BICC1: variants seen among roughly 807,000 people sequenced by gnomAD.
BICC1 encodes the protein protein bicaudal C homolog 1.
In BICC1, 43 loss-of-function variants were observed where a neutral mutation model predicts 111.0. That is an observed-to-expected ratio of 0.39 (90% CI 0.30 to 0.50). BICC1 has a LOEUF of 0.50. BICC1 is among the 20% of genes least tolerant of loss of function. The pLI, the probability that BICC1 is intolerant of heterozygous loss-of-function variation, is 0.88. For synonymous variants in BICC1, 467 were observed against 434.4 expected (o/e 1.07, Z -0.93); for missense variants, 1,091 against 1,203.2 (o/e 0.91, Z 1.38).
At position 58,739,823 on chromosome 10, in the gene BICC1, G is replaced by A. The variant is rs532350206; in HGVS notation, c.307+37680G>A. ...TTTAATAATATCACTTATCAGTTTG[G>A]GAAATTAGTATATAAATCTTAGATG... On this transcript the variant is annotated intron_variant, in intron 3 of 20. Coordinates refer to ENST00000373886, the MANE Select transcript of BICC1 (RefSeq NM_001080512.3). Among the ~76,000 whole-genome samples the A allele has an allele frequency of 9.2e-5, 14 of 152,178 alleles. No individual in the cohort carries two copies. In the South Asian group the frequency reaches 2.5e-3, roughly 27 times the overall value.
At chr10:58,826,889 G>A (rs1458421022) in intron 20 of BICC1, among the ~76,000 whole-genome samples, 1 of 152,208 alleles carries the variant, frequency 6.6e-6, no homozygotes, top group East Asian at 1.9e-4. Context: ...GCCCACCCTT[G>A]AGCCTTGGAG....
rs533019049 is a variant in BICC1, at chr10:58,619,677, G to A, written c.191-1178G>A. On this transcript the variant is annotated intron_variant, in intron 1 of 20. Transcript: ENST00000373886. ...TTTAGTAGAGACAGGGTTTCACTAT[G>A]TTTGCCAGGATGGTCTTGATCTCTT... 2.0e-5 allele frequency among the ~76,000 whole-genome samples: 3 copies of A among 152,190 alleles called. No individual in the cohort carries two copies. In the South Asian group the frequency reaches 6.2e-4, roughly 32 times the overall value.
chr10:58,676,536 A>G (rs1396131784), intron 2 of BICC1, among the ~76,000 whole-genome samples: 3 of 152,204 alleles, frequency 2.0e-5, no homozygotes, highest in African/African-American at 7.2e-5. Context: ...CTGAAAGGCA[A>G]CAGCCCCAGT....
rs138338339 is a variant in BICC1, at chr10:58,799,222, A to C, written c.1695A>C (p.Lys565Asn). 2 of 1,610,896 alleles carry C rather than the reference A, an allele frequency of 1.2e-6. No homozygotes were observed. Among genetic ancestry groups the C allele is most frequent in the Non-Finnish European group, 8.5e-7 (1 of 1,178,230 alleles). Reference sequence around the variant, plus strand: ...ACAGTATGCAGACCGAAGGCAAAAAAATCTCTGCTGCTTTAAATGGACATG... The same window carrying C: ...ACAGTATGCAGACCGAAGGCAAAAACATCTCTGCTGCTTTAAATGGACATG... ...HINSMQTEGK[K>N]ISAALNGHAQ... is the part of the protein sequence containing the mutation. Residue 565 changes from lysine (K) to asparagine (N), a missense_variant, in exon 12 of 21, where the codon AAA becomes AAC. Lys to Asn is a moderately conservative substitution (Grantham distance 94, BLOSUM62 0). Coordinates refer to ENST00000373886, the MANE Select transcript of BICC1 (RefSeq NM_001080512.3).
At chr10:58,703,771 C>G (rs1840309298) in intron 3 of BICC1, among the ~76,000 whole-genome samples, 1 of 152,156 alleles carries the variant, frequency 6.6e-6, no homozygotes, top group African/African-American at 2.4e-5. Flanking sequence ...AATCTTCTTT[C>G]CCTGTTGTCA....
At chr10:58,551,637 C>T (rs1378052517) in intron 1 of BICC1, among the ~76,000 whole-genome samples, 1 of 152,148 alleles carries the variant, frequency 6.6e-6, no homozygotes, top group Non-Finnish European at 1.5e-5. Context: ...CCAACATCTT[C>T]CTAATTCCAC....
At chr10:58,631,593 C>T (rs1367380507) in intron 2 of BICC1, among the ~76,000 whole-genome samples, 2 of 151,806 alleles carry the variant, frequency 1.3e-5, no homozygotes, top group East Asian at 3.9e-4. Flanking sequence ...CTGGATTATC[C>T]AGTTATTCAA....
At chr10:58,528,782 C>T (rs1291586273) in intron 1 of BICC1, among the ~76,000 whole-genome samples, 1 of 151,834 alleles carries the variant, frequency 6.6e-6, no homozygotes, top group African/African-American at 2.4e-5. Flanking sequence ...TCCAGTATTC[C>T]GGGTCTTCTG....
chr10:58,667,135 A>G (rs1381214930), intron 2 of BICC1, among the ~76,000 whole-genome samples: 2 of 152,116 alleles, frequency 1.3e-5, no homozygotes, highest in African/African-American at 4.8e-5. Context: ...TTATTTTCAA[A>G]CTAATTACTG....
chr10:58,808,537 C>A (rs148474915), intron 17 of BICC1, among the ~76,000 whole-genome samples: 15 of 152,138 alleles, frequency 9.9e-5, no homozygotes, highest in Non-Finnish European at 1.9e-4. Flanking sequence ...ATGTTCATTT[C>A]GGTAATGGAG....
chr10:58,734,456 G>A (rs1055652770), intron 3 of BICC1, among the ~76,000 whole-genome samples: 48 of 152,162 alleles, frequency 3.2e-4, no homozygotes, highest in African/African-American at 9.7e-4. Flanking sequence ...ATATGAGCTC[G>A]ATAAATACTT....
intron 1 of BICC1, among the ~76,000 whole-genome samples, chr10:58,583,585 TG>T (rs1844345021): frequency 4.6e-4 from 1 of 2,190 alleles, no homozygotes; most frequent in Non-Finnish European, 1.5e-3. Flanking sequence ...TCTCTCTCTC[TG>T]TGTGTGTGTG....
intron 3 of BICC1, among the ~76,000 whole-genome samples, chr10:58,708,044 A>G: frequency 8.0e-6 from 1 of 124,930 alleles, no homozygotes; most frequent in Non-Finnish European, 1.6e-5. Flanking sequence ...GGGTTTTACC[A>G]TGTTGGCCAG....
At chr10:58,760,222 AT>A (rs993044546) in intron 3 of BICC1, among the ~76,000 whole-genome samples, 4 of 152,164 alleles carry the variant, frequency 2.6e-5, no homozygotes, top group Middle Eastern at 3.2e-3. Flanking sequence ...GGCAACTCTT[AT>A]TCCATCAAGT....
intron 2 of BICC1, among the ~76,000 whole-genome samples, chr10:58,625,355 T>A (rs1184551323): frequency 6.6e-6 from 1 of 152,208 alleles, no homozygotes; most frequent in African/African-American, 2.4e-5. Flanking sequence ...GGGTCAGTGA[T>A]TGTATTACAC....
intron 9 of BICC1, among the ~76,000 whole-genome samples, chr10:58,795,138 A>G (rs1843312445): frequency 6.6e-6 from 1 of 151,956 alleles, no homozygotes; most frequent in African/African-American, 2.4e-5. Flanking sequence ...AATCCGAAAT[A>G]AGAAAATAAC....
chr10:58,583,943 T>C (rs953754615), intron 1 of BICC1, among the ~76,000 whole-genome samples: 4 of 152,072 alleles, frequency 2.6e-5, no homozygotes, highest in Admixed American at 6.6e-5. Flanking sequence ...TCTGGAATTA[T>C]AGGCATGAGC....
At chr10:58,552,179 T>C (rs1297434257) in intron 1 of BICC1, among the ~76,000 whole-genome samples, 1 of 151,964 alleles carries the variant, frequency 6.6e-6, no homozygotes, top group Non-Finnish European at 1.5e-5. Context: ...TCTTAACTTC[T>C]TGGTTACCTA....
chr10:58,764,633 T>G (rs928316638), intron 3 of BICC1, among the ~76,000 whole-genome samples: 1 of 149,014 alleles, frequency 6.7e-6, no homozygotes, highest in African/African-American at 2.5e-5. Context: ...TTCCTTCTTT[T>G]TTTTTTTTTT....
Sources: gnomAD v4.1 joint callset for allele counts (sites outside exome capture counted in the v4.1 genomes callset) on GRCh38, gnomAD v4.1.1 for gene constraint, MANE v1.5 for transcripts, NCBI Gene and HGNC (gene_info 2026-07-23, HGNC 2026-07-21) for gene names.